The following RANBP17 variants were observed in gnomAD, a reference collection of about 807,000 sequenced individuals.
RANBP17 encodes RAN binding protein 17.
RANBP17 carries 158 observed loss-of-function variants against 141.2 expected under a neutral mutation model. That is an observed-to-expected ratio of 1.12 (90% CI 0.98 to 1.28). The LOEUF is 1.28. Among genes scored for constraint, RANBP17 ranks in the 50% most tolerant of loss-of-function variants. RANBP17 has a pLI of 0.00. For synonymous variants in RANBP17, 430 were observed against 450.0 expected, an observed-to-expected ratio of 0.96 and a Z score of 0.56; for missense variants, 1,438 against 1,290.7, an observed-to-expected ratio of 1.11 and a Z score of -1.75.
intron 5 of RANBP17, among the ~76,000 whole-genome samples, chr5:170,907,453 C>T (rs1771155429): frequency 6.6e-6 from 1 of 151,914 alleles, no homozygotes; most frequent in Admixed American, 6.6e-5. Flanking sequence ...TTAAAACTTA[C>T]ATATTGTTAC....
chr5:170,924,259 C>T, intron 11 of RANBP17, 98 bp from the exon 12 acceptor site: 1 of 812,756 alleles, frequency 1.2e-6, no homozygotes, highest in Non-Finnish European at 1.8e-6. Flanking sequence ...TCTTTTATTC[C>T]TTTATTATAG....
At chr5:171,292,443 G>C (rs1768547270) in intron 25 of RANBP17, among the ~76,000 whole-genome samples, 1 of 152,126 alleles carries the variant, frequency 6.6e-6, no homozygotes, top group South Asian at 2.1e-4. Context: ...CCTCCTTATA[G>C]TTAATGAAAC....
chr5:170,981,090 T>C (rs1162774382), intron 14 of RANBP17, among the ~76,000 whole-genome samples: 3 of 109,154 alleles, frequency 2.7e-5, no homozygotes, highest in Non-Finnish European at 2.1e-5. Context: ...CAAACTTGCA[T>C]GGGGCATGTA....
chr5:170,904,194 C>T (rs1581108196), intron 5 of RANBP17: 1 of 292,726 alleles, frequency 3.4e-6, no homozygotes, highest in East Asian at 8.3e-5. Flanking sequence ...CCTGTCCCTC[C>T]TGTGGACCAT....
intron 14 of RANBP17, among the ~76,000 whole-genome samples, chr5:171,115,285 T>TTGATATG (rs1755538331): frequency 6.6e-6 from 1 of 152,180 alleles, no homozygotes; most frequent in African/African-American, 2.4e-5. Context: ...TATAGTATAT[T>TTGATATG]AGCAAATTCT....
intron 1 of RANBP17, among the ~76,000 whole-genome samples, chr5:170,875,955 T>C (rs1287889470): frequency 1.3e-5 from 2 of 152,240 alleles, no homozygotes; most frequent in Non-Finnish European, 2.9e-5. Context: ...TTGATGCTGC[T>C]GTTGTTGCTT....
At chr5:171,296,439 T>C (rs964563630) in intron 27 of RANBP17, among the ~76,000 whole-genome samples, 1 of 152,152 alleles carries the variant, frequency 6.6e-6, no homozygotes, top group Non-Finnish European at 1.5e-5. Context: ...CTAACAATAA[T>C]GTATTGTATA....
At position 171,233,994 on chromosome 5, in the gene RANBP17, G is replaced by A. The variant is rs150925258; in HGVS notation, c.2423-6934G>A. 3.8e-3 allele frequency among the ~76,000 whole-genome samples: 572 copies of A among 151,718 alleles called. 2 individuals carry two copies. Among genetic ancestry groups the A allele is most frequent in the African/African-American group, 0.013 (521 of 41,304 alleles). On this transcript the variant is annotated intron_variant, in intron 22 of 27. Transcript: ENST00000523189. ...CTGTGCATGTGTGGGGGCAGGAGAT[G>A]TATGGTAATCGCTGTACCTCTCTCT...
Position 170,933,714 on chromosome 5 carries a change from T to C in RANBP17, c.1468+9164T>C, listed in dbSNP as rs550029778. On this transcript the variant is annotated intron_variant, in intron 12 of 27. Coordinates refer to ENST00000523189, the MANE Select transcript of RANBP17 (RefSeq NM_022897.5). ...AGCAGGTTGTTCAGTTTCCATGTAG[T>C]TGAGCGGTTTTGAGTGAGTTTCTTA... Among the ~76,000 whole-genome samples the C allele has an allele frequency of 4.1e-3, 619 of 152,264 alleles. 5 individuals carry two copies. The highest frequency in any genetic ancestry group is 0.014 in the African/African-American group (597 of 41,552).
At chr5:171,044,803 A>G (rs1306180423) in intron 14 of RANBP17, among the ~76,000 whole-genome samples, 1 of 152,118 alleles carries the variant, frequency 6.6e-6, no homozygotes, top group African/African-American at 2.4e-5. Context: ...CTCAGAGGCA[A>G]TAGAAGAAAT....
intron 13 of RANBP17, among the ~76,000 whole-genome samples, chr5:170,965,829 G>C (rs184228188): frequency 1.6e-3 from 237 of 152,242 alleles, no homozygotes; most frequent in African/African-American, 4.7e-3. Context: ...AAGTCAGGTA[G>C]CATGATGCCT....
Position 170,881,894 on chromosome 5 carries a change from T to A in RANBP17, c.254T>A (p.Ile85Asn). Reference protein sequence around the residue: ...SPLPVEQRMDIRNYILNYVAS... With the variant: ...SPLPVEQRMDNRNYILNYVAS... ...TTACCTGTTGAGCAGAGGATGGACATCAGTAAGTGGCTTATTATGCTTTTT... is the reference window on the plus strand; with the variant it reads ...TTACCTGTTGAGCAGAGGATGGACAACAGTAAGTGGCTTATTATGCTTTTT... Residue 85 changes from isoleucine (I) to asparagine (N), a missense_variant and splice_region_variant, in exon 3 of 28, where the codon ATC becomes AAC. Transcript: ENST00000523189. 1 of 1,591,134 alleles carries A rather than the reference T, an allele frequency of 6.3e-7. No homozygotes were observed.
intron 25 of RANBP17, among the ~76,000 whole-genome samples, chr5:171,272,001 AC>A (rs1243462491): frequency 6.6e-6 from 1 of 152,232 alleles, no homozygotes; most frequent in African/African-American, 2.4e-5. Context: ...ACCATGGAGT[AC>A]TACACAGCCA....
intron 11 of RANBP17, among the ~76,000 whole-genome samples, chr5:170,922,269 T>G (rs374214868): frequency 7.2e-4 from 110 of 152,222 alleles, no homozygotes; most frequent in African/African-American, 2.6e-3. Context: ...TGTTTCCCAG[T>G]CAGGCTACAC....
intron 12 of RANBP17, among the ~76,000 whole-genome samples, chr5:170,926,131 A>G (rs1772896500): frequency 6.6e-6 from 1 of 152,118 alleles, no homozygotes; most frequent in Admixed American, 6.6e-5. Context: ...GAAGTGGCAA[A>G]CTTTTTCTTA....
intron 24 of RANBP17, among the ~76,000 whole-genome samples, chr5:171,259,971 A>C (rs1394751518): frequency 6.6e-6 from 1 of 151,694 alleles, no homozygotes; most frequent in Non-Finnish European, 1.5e-5. Context: ...ACAGAGCGAG[A>C]CTGTCTCAAA....
intron 14 of RANBP17, among the ~76,000 whole-genome samples, chr5:171,069,482 T>C (rs1192634276): frequency 6.6e-6 from 1 of 152,202 alleles, no homozygotes; most frequent in East Asian, 1.9e-4. Flanking sequence ...AGTGGAGGAA[T>C]TGATTACTAG....
chr5:171,009,654 A>G lies in RANBP17; in HGVS notation c.1710+41277A>G, dbSNP rs116706512. Among the ~76,000 whole-genome samples, 509 of 144,538 alleles carry G rather than the reference A, an allele frequency of 3.5e-3. 2 individuals carry two copies. Among genetic ancestry groups the G allele is most frequent in the African/African-American group, 0.011 (439 of 40,780 alleles). 94.8% of individuals were successfully genotyped at this position (144,538 alleles called of 152,430 possible). On this transcript the variant is annotated intron_variant, in intron 14 of 27. Coordinates refer to ENST00000523189, the MANE Select transcript of RANBP17 (RefSeq NM_022897.5). ...CTTCAGTGTGACTGAGGTTAGGGAA[A>G]TTATTTTTGAAAAATTTTTTGAATC...
chr5:171,004,015 G>A (rs1279048722), intron 14 of RANBP17, among the ~76,000 whole-genome samples: 2 of 152,260 alleles, frequency 1.3e-5, no homozygotes, highest in South Asian at 2.1e-4. Flanking sequence ...AGAGTTGTCC[G>A]GTTTTTGAAT....
Sources: gnomAD v4.1 joint callset for allele counts (sites outside exome capture counted in the v4.1 genomes callset) on GRCh38, gnomAD v4.1.1 for gene constraint, MANE v1.5 for transcripts, NCBI Gene and HGNC (gene_info 2026-07-23, HGNC 2026-07-21) for gene names.